The following XPR1 variants were observed in gnomAD, a reference collection of about 807,000 sequenced individuals.
XPR1 encodes the protein solute carrier family 53 member 1.
XPR1 carries 28 observed loss-of-function variants against 87.5 expected under a neutral mutation model. The ratio of observed to expected loss-of-function variants is 0.32; its 90% confidence interval spans 0.24 to 0.44. The LOEUF (loss-of-function observed/expected upper bound fraction) is 0.44, where lower values mean the gene tolerates loss of function less well. Ranked by LOEUF, XPR1 falls within the 20% of genes least tolerant of loss-of-function variation. XPR1 has a pLI of 1.00. For synonymous variants in XPR1, 300 were observed against 306.1 expected, an observed-to-expected ratio of 0.98 and a Z score of 0.21; for missense variants, 559 against 862.3, an observed-to-expected ratio of 0.65 and a Z score of 4.41.
chr1:180,788,635 T>C (rs185848673), intron 3 of XPR1, among the ~76,000 whole-genome samples: 3 of 152,340 alleles, frequency 2.0e-5, no homozygotes, highest in Admixed American at 6.5e-5. Flanking sequence ...GAATGTAATG[T>C]ATCTATTCCC....
At chr1:180,677,207 A>G (rs934710089) in intron 1 of XPR1, among the ~76,000 whole-genome samples, 2 of 152,200 alleles carry the variant, frequency 1.3e-5, no homozygotes, top group Admixed American at 6.5e-5. Flanking sequence ...TAACTGTCCA[A>G]CTGGTTCTCC....
intron 1 of XPR1, among the ~76,000 whole-genome samples, chr1:180,671,789 A>G (rs1656187845): frequency 6.6e-6 from 1 of 152,180 alleles, no homozygotes; most frequent in Non-Finnish European, 1.5e-5. Context: ...CTGGGATTAC[A>G]GGTGTGAGTC....
At position 180,679,217 on chromosome 1, in the gene XPR1, C is replaced by CA. The variant is rs528143239; in HGVS notation, c.70-3135dup. On this transcript the variant is annotated intron_variant, in intron 1 of 14. Coordinates refer to ENST00000367590, the MANE Select transcript of XPR1 (RefSeq NM_004736.4). ...CTCAAAAAACAAAAAAACAAACAAA[C>CA]AAAAAAAACGGTGGGTTACCATGGA... Among the ~76,000 whole-genome samples, 73 of 149,590 alleles carry CA rather than the reference C, an allele frequency of 4.9e-4. No homozygotes were observed. In the South Asian group the frequency reaches 5.6e-3, roughly 11 times the overall value.
At position 180,834,980 on chromosome 1, in the gene XPR1, T is replaced by C; in HGVS notation, c.1241T>C (p.Ile414Thr). 1.2e-6 allele frequency: 2 copies of C among 1,614,130 alleles called. No homozygotes were observed. The highest frequency in any genetic ancestry group is 1.7e-6 in the Non-Finnish European group (2 of 1,180,014). The change falls in exon 10 of 15, where the codon ATC becomes ACC. Residue 414 changes from isoleucine (I) to threonine (T), a missense_variant. Ile to Thr is a moderately conservative substitution (Grantham distance 89). This residue lies in a region of XPR1 where 264 missense variants were observed against 377.2 expected (regional missense o/e 0.70). Transcript: ENST00000367590. ...SVILMDLEYM[I>T]CFYSLELKWD... ...ATACTGATGGACCTGGAATATATGATCTGCTTCTACAGTTTGGAGCTCAAA... is the reference window on the plus strand; with the variant it reads ...ATACTGATGGACCTGGAATATATGACCTGCTTCTACAGTTTGGAGCTCAAA...
chr1:180,723,904 A>G (rs1390829173), intron 2 of XPR1, among the ~76,000 whole-genome samples: 1 of 152,148 alleles, frequency 6.6e-6, no homozygotes, highest in African/African-American at 2.4e-5. Flanking sequence ...GATGTTGTAT[A>G]TGACCATTAG....
At chr1:180,655,881 T>A (rs1478522636) in intron 1 of XPR1, among the ~76,000 whole-genome samples, 2 of 152,158 alleles carry the variant, frequency 1.3e-5, no homozygotes. Context: ...CATATTTTGA[T>A]ACAGGCATAC....
chr1:180,876,120 C>G (rs1264842069), intron 13 of XPR1, among the ~76,000 whole-genome samples: 2 of 151,884 alleles, frequency 1.3e-5, no homozygotes, highest in Non-Finnish European at 2.9e-5. Context: ...CAAAACTCTT[C>G]CAGAAAAAAA....
intron 3 of XPR1, among the ~76,000 whole-genome samples, chr1:180,798,068 C>T (rs542854130): frequency 6.6e-6 from 1 of 151,984 alleles, no homozygotes; most frequent in African/African-American, 2.4e-5. Flanking sequence ...CTGTTTTTTA[C>T]AATATGGAAG....
chr1:180,825,120 A>G, intron 8 of XPR1, 45 bp from the exon 9 acceptor site: 1 of 1,548,424 alleles, frequency 6.5e-7, no homozygotes, highest in Non-Finnish European at 8.7e-7. Context: ...AAAAGTAAAA[A>G]TAACAATTTT....
At chr1:180,820,687 T>C (rs1650596383) in intron 7 of XPR1, among the ~76,000 whole-genome samples, 1 of 152,214 alleles carries the variant, frequency 6.6e-6, no homozygotes. Flanking sequence ...TAGCAGTTTA[T>C]GAGGATTCTG....
At chr1:180,824,155 G>A (rs1301935600) in intron 7 of XPR1, among the ~76,000 whole-genome samples, 2 of 152,102 alleles carry the variant, frequency 1.3e-5, no homozygotes, top group Non-Finnish European at 2.9e-5. Flanking sequence ...ATGATTCTTT[G>A]TAATCTAAAA....
Position 180,769,862 on chromosome 1 carries a change from C to G in XPR1, c.122-17891C>G, listed in dbSNP as rs985679504. ...TTTGAGGAACCTCCAAACTGTTCTCCGTAGTGGTTGTACTAATTTACTTTC... is the reference window on the plus strand; with the variant it reads ...TTTGAGGAACCTCCAAACTGTTCTCGGTAGTGGTTGTACTAATTTACTTTC... On this transcript the variant is annotated intron_variant, in intron 2 of 14. Coordinates refer to ENST00000367590, the MANE Select transcript of XPR1 (RefSeq NM_004736.4). Among the ~76,000 whole-genome samples the G allele has an allele frequency of 2.6e-5, 4 of 152,100 alleles. No homozygotes were observed. In the East Asian group the frequency reaches 7.7e-4, roughly 29 times the overall value.
intron 2 of XPR1, among the ~76,000 whole-genome samples, chr1:180,767,733 C>T (rs1040750843): frequency 6.6e-6 from 1 of 152,120 alleles, no homozygotes; most frequent in South Asian, 2.1e-4. Context: ...ACAGTACGTA[C>T]ACATGCATAT....
intron 1 of XPR1, among the ~76,000 whole-genome samples, chr1:180,679,736 T>C (rs1268411205): frequency 6.6e-6 from 1 of 152,178 alleles, no homozygotes; most frequent in African/African-American, 2.4e-5. Context: ...AACAAACTAT[T>C]ACTATAAAGT....
In XPR1 at chr1:180,812,509, A is replaced by G. The variant is rs75433977; in HGVS notation, c.763+1021A>G. Among the ~76,000 whole-genome samples, 536 of 152,160 alleles carry G rather than the reference A, an allele frequency of 3.5e-3. 6 individuals carry two copies. The highest frequency in any genetic ancestry group is 4.3e-3 in the Non-Finnish European group (291 of 68,000). ...CACCTTTCATCCATTTCTCAGTCCA[A>G]AATCTTTTAGTTTCTCTTGTCCCTC... On this transcript the variant is annotated intron_variant, in intron 7 of 14. Coordinates refer to ENST00000367590, the MANE Select transcript of XPR1 (RefSeq NM_004736.4).
chr1:180,696,726 T>TTG (rs765069046), intron 2 of XPR1, among the ~76,000 whole-genome samples: 5 of 152,190 alleles, frequency 3.3e-5, no homozygotes, highest in Non-Finnish European at 5.9e-5. Context: ...AGATGCTTTT[T>TTG]TGTGTGTGTC....
chr1:180,663,993 T>C (rs1655872253), intron 1 of XPR1, among the ~76,000 whole-genome samples: 1 of 152,092 alleles, frequency 6.6e-6, no homozygotes, highest in African/African-American at 2.4e-5. Flanking sequence ...ATTTAGTTTG[T>C]GGTGAATGCT....
intron 14 of XPR1, 92 bp downstream of exon 14, chr1:180,880,389 A>C: frequency 7.0e-7 from 1 of 1,433,274 alleles, no homozygotes; most frequent in Non-Finnish European, 9.6e-7. Flanking sequence ...GTTGAACCAA[A>C]TGAAATTGCC....
At chr1:180,637,735 G>A (rs978042399) in intron 1 of XPR1, among the ~76,000 whole-genome samples, 1 of 152,062 alleles carries the variant, frequency 6.6e-6, no homozygotes, top group Non-Finnish European at 1.5e-5. Context: ...TGTATTTTTA[G>A]TAGAGACAGG....
Sources: allele counts gnomAD v4.1 joint callset (sites outside exome capture counted in the v4.1 genomes callset), GRCh38; gene constraint gnomAD v4.1.1; regional missense constraint gnomAD v4.1.1; transcripts MANE v1.5; gene names NCBI Gene and HGNC (gene_info 2026-07-23, HGNC 2026-07-21).